The following PXDNL variants were observed in gnomAD, a reference collection of about 807,000 sequenced individuals.
The protein encoded by PXDNL is probable oxidoreductase PXDNL.
Under a neutral mutation model 150.8 loss-of-function variants are expected in PXDNL, and 145 were observed. That is an observed-to-expected ratio of 0.96 (90% CI 0.84 to 1.10). PXDNL has a LOEUF of 1.10. Among genes scored for constraint, PXDNL ranks in the 50% least tolerant of loss-of-function variants. The probability of loss-of-function intolerance (pLI) is 0.00; values close to 1 mark genes in which losing one functional copy is unlikely to be tolerated. For synonymous variants in PXDNL, 757 were observed against 725.7 expected (o/e 1.04, Z -0.69); for missense variants, 2,087 against 1,873.9 (o/e 1.11, Z -2.10).
intron 1 of PXDNL, among the ~76,000 whole-genome samples, chr8:51,672,067 C>A (rs891989280): frequency 9.9e-5 from 15 of 152,114 alleles, no homozygotes; most frequent in African/African-American, 3.6e-4. Flanking sequence ...CCACAAAATT[C>A]GCCTCCCAGG....
chr8:51,473,507 A>G (rs1810397233), intron 7 of PXDNL, among the ~76,000 whole-genome samples: 2 of 152,128 alleles, frequency 1.3e-5, no homozygotes, highest in South Asian at 4.1e-4. Flanking sequence ...TGTAGGCAGG[A>G]AAGACAGCAT....
intron 1 of PXDNL, among the ~76,000 whole-genome samples, chr8:51,791,262 T>C (rs72642995): frequency 0.015 from 2,212 of 152,326 alleles, 24 homozygotes; most frequent in Non-Finnish European, 0.025. Context: ...GACGTCTTCT[T>C]ACACAGAGAA....
At chr8:51,680,523 A>G (rs1815721236) in intron 1 of PXDNL, among the ~76,000 whole-genome samples, 1 of 152,212 alleles carries the variant, frequency 6.6e-6, no homozygotes, top group Non-Finnish European at 1.5e-5. Flanking sequence ...ACATATATAC[A>G]TATTTTCAAA....
At chr8:51,574,107 G>C (rs1002006433) in intron 3 of PXDNL, among the ~76,000 whole-genome samples, 1 of 151,876 alleles carries the variant, frequency 6.6e-6, no homozygotes, top group African/African-American at 2.4e-5. Context: ...GAGACGTTAG[G>C]ATTATATAAT....
chr8:51,357,253 A>G (rs933851624), intron 19 of PXDNL, among the ~76,000 whole-genome samples: 8 of 152,186 alleles, frequency 5.3e-5, no homozygotes, highest in Non-Finnish European at 1.0e-4. Context: ...GTTTTCTCCT[A>G]TGTATCTTGT....
chr8:51,340,435 G>C (rs1444684176), intron 20 of PXDNL, among the ~76,000 whole-genome samples: 2 of 152,132 alleles, frequency 1.3e-5, no homozygotes, highest in Non-Finnish European at 2.9e-5. Flanking sequence ...AGATAGATTT[G>C]ATTTATTGGG....
chr8:51,441,058 C>A (rs537208870), intron 12 of PXDNL, among the ~76,000 whole-genome samples: 4 of 152,156 alleles, frequency 2.6e-5, no homozygotes, highest in Non-Finnish European at 5.9e-5. Context: ...GTGTCAAGGG[C>A]TGGACTGGGT....
intron 17 of PXDNL, among the ~76,000 whole-genome samples, chr8:51,378,591 T>A (rs1040255114): frequency 2.0e-5 from 3 of 152,210 alleles, no homozygotes; most frequent in Non-Finnish European, 4.4e-5. Context: ...GAAGATTTGT[T>A]CTTTTGCGCT....
chr8:51,690,441 T>C (rs1815969387), intron 1 of PXDNL, among the ~76,000 whole-genome samples: 1 of 152,152 alleles, frequency 6.6e-6, no homozygotes, highest in Admixed American at 6.5e-5. Flanking sequence ...GTCCTTGCGA[T>C]AGTTTACTGA....
chr8:51,455,115 C>CAAA (rs536468204), intron 9 of PXDNL, among the ~76,000 whole-genome samples: 280 of 15,852 alleles, frequency 0.018, 69 homozygotes, highest in African/African-American at 0.057. Flanking sequence ...GACTCCGTCT[C>CAAA]AAAAAAAAAA....
intron 19 of PXDNL, among the ~76,000 whole-genome samples, chr8:51,348,462 C>T (rs1405192953): frequency 6.6e-6 from 1 of 152,156 alleles, no homozygotes. Context: ...GTTCTGACAT[C>T]ATTTCTTTTA....
intron 2 of PXDNL, among the ~76,000 whole-genome samples, chr8:51,597,719 CTT>C (rs1186776655): frequency 2.3e-5 from 3 of 131,512 alleles, no homozygotes; most frequent in Non-Finnish European, 1.6e-5. Context: ...CATTTTTTTT[CTT>C]TTTTTTTTTT....
intron 1 of PXDNL, among the ~76,000 whole-genome samples, chr8:51,700,384 TAC>T (rs1344583273): frequency 7.9e-5 from 12 of 150,972 alleles, no homozygotes. Context: ...TATAGACACA[TAC>T]ACACAGAGAT....
chr8:51,324,629 T>G (rs1355146917), intron 21 of PXDNL, among the ~76,000 whole-genome samples: 1 of 152,230 alleles, frequency 6.6e-6, no homozygotes, highest in Non-Finnish European at 1.5e-5. Flanking sequence ...TTGTCTATGC[T>G]GTCTCTGTTG....
At chr8:51,659,021 C>T (rs764962534) in intron 1 of PXDNL, among the ~76,000 whole-genome samples, 3 of 152,178 alleles carry the variant, frequency 2.0e-5, no homozygotes, top group Non-Finnish European at 4.4e-5. Flanking sequence ...AAATATTTCA[C>T]TCAAGATCGG....
In PXDNL at chr8:51,646,823, G is replaced by A. The variant is rs915180591; in HGVS notation, c.236+7866C>T. ...AAATGACAAACCAATGATTAGGAGAGATAGGGGACAACCGCAAGAATCTGC... is the reference window on the plus strand; with the variant it reads ...AAATGACAAACCAATGATTAGGAGAAATAGGGGACAACCGCAAGAATCTGC... On this transcript the variant is annotated intron_variant, in intron 2 of 22. Transcript: ENST00000356297. 5.3e-5 allele frequency among the ~76,000 whole-genome samples: 8 copies of A among 152,124 alleles called. 1 individual carries two copies. The highest frequency in any genetic ancestry group is 5.2e-4 in the Admixed American group (8 of 15,274).
chr8:51,415,025 C>G (rs1020271313), intron 14 of PXDNL, among the ~76,000 whole-genome samples: 3 of 152,008 alleles, frequency 2.0e-5, no homozygotes, highest in Non-Finnish European at 2.9e-5. Context: ...GAATTGACAC[C>G]TATTTTGGGG....
At chr8:51,748,750 T>A (rs2037012923) in intron 1 of PXDNL, among the ~76,000 whole-genome samples, 1 of 152,212 alleles carries the variant, frequency 6.6e-6, no homozygotes, top group East Asian at 1.9e-4. Flanking sequence ...CCTTCCTTAG[T>A]AGCCTCCTGC....
chr8:51,490,647 CAT>C (rs1037728051), intron 5 of PXDNL, among the ~76,000 whole-genome samples: 17 of 147,886 alleles, frequency 1.1e-4, no homozygotes, highest in African/African-American at 3.0e-4. Flanking sequence ...CATATATATA[CAT>C]ATATATACAC....
Sources: gnomAD v4.1 joint callset for allele counts (sites outside exome capture counted in the v4.1 genomes callset) on GRCh38, gnomAD v4.1.1 for gene constraint, MANE v1.5 for transcripts, NCBI Gene and HGNC (gene_info 2026-07-23, HGNC 2026-07-21) for gene names.